The following KIFAP3 variants were observed in gnomAD, a reference collection of about 807,000 sequenced individuals.
KIFAP3 encodes the protein kinesin associated protein 3, also known as kinesin-associated protein 3.
KIFAP3 carries 68 observed loss-of-function variants against 106.5 expected under a neutral mutation model. That is an observed-to-expected ratio of 0.64 (90% CI 0.53 to 0.78). The LOEUF (loss-of-function observed/expected upper bound fraction) is 0.78. Ranked by LOEUF, KIFAP3 falls within the 30% of genes least tolerant of loss-of-function variation. KIFAP3 has a pLI of 0.00. For synonymous variants in KIFAP3, 320 were observed against 311.5 expected, an observed-to-expected ratio of 1.03 and a Z score of -0.29; for missense variants, 780 against 941.8, an observed-to-expected ratio of 0.83 and a Z score of 2.25.
At chr1:170,040,646 TTC>T (rs1669925397) in intron 3 of KIFAP3, among the ~76,000 whole-genome samples, 1 of 152,158 alleles carries the variant, frequency 6.6e-6, no homozygotes, top group Admixed American at 6.5e-5. Flanking sequence ...AGATTTGCTT[TTC>T]TACTTGGATT....
intron 19 of KIFAP3, among the ~76,000 whole-genome samples, chr1:169,941,144 T>C (rs1194375772): frequency 4.6e-5 from 7 of 152,234 alleles, no homozygotes; most frequent in East Asian, 1.9e-4. Flanking sequence ...CAAACTATTA[T>C]GTTACAATTT....
upstream of KIFAP3, among the ~76,000 whole-genome samples, chr1:170,075,617 T>C (rs180938243): frequency 5.3e-4 from 81 of 152,344 alleles, no homozygotes; most frequent in Non-Finnish European, 1.3e-4. Context: ...ATATTAAATA[T>C]AGAAATACAG....
chr1:170,074,828 G>A (rs1312392083), upstream of KIFAP3: 29 of 1,037,488 alleles, frequency 2.8e-5, no homozygotes, highest in Non-Finnish European at 3.4e-5. Flanking sequence ...TTGAGCGTCC[G>A]TGTATAAGGA....
chr1:170,004,631 T>A (rs1667848349), intron 10 of KIFAP3, among the ~76,000 whole-genome samples: 1 of 152,058 alleles, frequency 6.6e-6, no homozygotes, highest in African/African-American at 2.4e-5. Flanking sequence ...TAATAAATGG[T>A]GCTGGGAAAA....
chr1:169,978,989 C>T, intron 15 of KIFAP3, among the ~76,000 whole-genome samples: 1 of 152,056 alleles, frequency 6.6e-6, no homozygotes, highest in East Asian at 1.9e-4. Context: ...ATACAGTATT[C>T]CCTCACTTAA....
intron 19 of KIFAP3, among the ~76,000 whole-genome samples, chr1:169,950,647 T>G (rs1664681440): frequency 6.6e-6 from 1 of 152,122 alleles, no homozygotes; most frequent in Non-Finnish European, 1.5e-5. Context: ...AGTCTGCTTA[T>G]TCTCATCTTT....
intron 1 of KIFAP3, among the ~76,000 whole-genome samples, chr1:170,061,357 T>C (rs1476489122): frequency 1.3e-5 from 2 of 152,208 alleles, no homozygotes; most frequent in Non-Finnish European, 1.5e-5. Context: ...GTGAAGGATA[T>C]GAACAGGCAC....
chr1:170,077,125 A>G (rs1362862263), upstream of KIFAP3, among the ~76,000 whole-genome samples: 3 of 152,142 alleles, frequency 2.0e-5, no homozygotes, highest in African/African-American at 7.2e-5. Flanking sequence ...ACCAATCAGC[A>G]CTCTGTAAAA....
intron 8 of KIFAP3, among the ~76,000 whole-genome samples, chr1:170,025,974 T>C (rs550319887): frequency 6.6e-6 from 1 of 152,122 alleles, no homozygotes; most frequent in Non-Finnish European, 1.5e-5. Context: ...GGTGAGGTAA[T>C]AATGGATTAA....
In KIFAP3 at chr1:170,053,628, A is replaced by G. The variant is rs147634306; in HGVS notation, c.164+1677T>C. Reference sequence around the variant, plus strand: ...GCTACAGTAACCAAAATAGCATGGTACTGGTATCAAAACAGGGATAAAGAC... The same window carrying G: ...GCTACAGTAACCAAAATAGCATGGTGCTGGTATCAAAACAGGGATAAAGAC... On this transcript the variant is annotated intron_variant, in intron 2 of 19. Transcript: ENST00000361580. Among the ~76,000 whole-genome samples, 822 of 151,532 alleles carry G rather than the reference A, an allele frequency of 5.4e-3. 10 individuals are homozygous for G. Among genetic ancestry groups the G allele is most frequent in the African/African-American group, 0.018 (752 of 40,850 alleles).
At chr1:169,956,326 A>G (rs2101850065) in intron 18 of KIFAP3, among the ~76,000 whole-genome samples, 1 of 152,310 alleles carries the variant, frequency 6.6e-6, no homozygotes, top group African/African-American at 2.4e-5. Context: ...GACATAGTGA[A>G]GTGATCCAGA....
Position 170,008,656 on chromosome 1 carries a change from T to C in KIFAP3, c.1183+7806A>G, listed in dbSNP as rs558682438. On this transcript the variant is annotated intron_variant, in intron 10 of 19. Transcript: ENST00000361580. ...AGAGGATGTGGAGAAATAGGAACGC[T>C]TTTACACTGTTGGTGGAAGTGTAAA... is the stretch of plus-strand genomic sequence containing the variant. Among the ~76,000 whole-genome samples the C allele has an allele frequency of 9.3e-4, 142 of 152,334 alleles. 1 individual carries two copies. Among genetic ancestry groups the C allele is most frequent in the Admixed American group, 1.6e-3 (25 of 15,302 alleles).
chr1:169,929,362 T>C (rs141643756), intron 19 of KIFAP3, among the ~76,000 whole-genome samples: 411 of 152,264 alleles, frequency 2.7e-3, no homozygotes, highest in African/African-American at 9.2e-3. Context: ...TAAGAAAAGA[T>C]GCTAATTGTC....
intron 18 of KIFAP3, 131 bp from the exon 19 acceptor site, chr1:169,954,241 C>T: frequency 1.6e-6 from 1 of 623,046 alleles, no homozygotes; most frequent in South Asian, 1.9e-5. Context: ...ATGCTGTTCT[C>T]TCTGGGAGTA....
chr1:169,994,462 T>C (rs1476654066), intron 10 of KIFAP3, among the ~76,000 whole-genome samples: 1 of 152,196 alleles, frequency 6.6e-6, no homozygotes, highest in Non-Finnish European at 1.5e-5. Context: ...ATATACTGCT[T>C]TTTAAATCCA....
chr1:170,027,978 G>T (rs912272915), intron 8 of KIFAP3, among the ~76,000 whole-genome samples: 2 of 151,986 alleles, frequency 1.3e-5, no homozygotes, highest in South Asian at 4.1e-4. Context: ...CAAAAACAAT[G>T]CAAACAAGGC....
rs145406203 is a variant in KIFAP3, at chr1:169,973,105, G to GTGTGTATATA, written c.1898-508_1898-507insTATATACACA. On this transcript the variant is annotated intron_variant, in intron 16 of 19. Transcript: ENST00000361580. ...ATAAAAATAATTTAAAAAATAGTGTGTATATATATATATATATAAACAACA... is the reference window on the plus strand; with the variant it reads ...ATAAAAATAATTTAAAAAATAGTGTGTGTGTATATATATATATATATATATATAAACAACA... Among the ~76,000 whole-genome samples, 49 of 90,296 alleles carry GTGTGTATATA rather than the reference G, an allele frequency of 5.4e-4. 2 individuals are homozygous for GTGTGTATATA. The highest frequency in any genetic ancestry group is 1.4e-3 in the African/African-American group (30 of 21,880). 59.2% of individuals were successfully genotyped at this position (90,296 alleles called of 152,430 possible).
chr1:170,025,480 T>C (rs1416213918), intron 8 of KIFAP3, among the ~76,000 whole-genome samples: 3 of 152,132 alleles, frequency 2.0e-5, no homozygotes, highest in Admixed American at 2.0e-4. Flanking sequence ...TACATGCATA[T>C]GTATATACAT....
At chr1:169,964,534 G>A (rs1164601890) in intron 17 of KIFAP3, among the ~76,000 whole-genome samples, 3 of 152,168 alleles carry the variant, frequency 2.0e-5, no homozygotes, top group African/African-American at 7.2e-5. Context: ...ATGGGAGGAA[G>A]TCATTGACCA....
Sources: gnomAD v4.1 joint callset for allele counts (sites outside exome capture counted in the v4.1 genomes callset) on GRCh38, gnomAD v4.1.1 for gene constraint, MANE v1.5 for transcripts, NCBI Gene and HGNC (gene_info 2026-07-23, HGNC 2026-07-21) for gene names.